IRAG2: variants seen among roughly 807,000 people sequenced by gnomAD.
The protein encoded by IRAG2 is lymphoid restricted membrane protein.
IRAG2 carries 45 observed loss-of-function variants against 69.9 expected under a neutral mutation model. That is an observed-to-expected ratio of 0.64 (90% CI 0.51 to 0.83). The LOEUF is 0.83. Among genes scored for constraint, IRAG2 ranks in the 40% least tolerant of loss-of-function variants. The probability of loss-of-function intolerance (pLI) is 0.00; values close to 1 mark genes in which losing one functional copy is unlikely to be tolerated. For missense variants in IRAG2, 520 were observed against 587.0 expected (o/e 0.89, Z 1.18); for synonymous variants, 193 against 202.4 (o/e 0.95, Z 0.40).
chr12:25,090,784 A>T, intron 14 of IRAG2: 1 of 450,096 alleles, frequency 2.2e-6, no homozygotes. Context: ...TGCATGAGTC[A>T]TCTGCCTTTT....
chr12:25,016,943 G>T (rs1467111244), intron 5 of IRAG2, among the ~76,000 whole-genome samples: 1 of 151,600 alleles, frequency 6.6e-6, no homozygotes, highest in Non-Finnish European at 1.5e-5. Flanking sequence ...CATCTTTGAT[G>T]CTATTGTAAT....
rs556195575 is a variant in IRAG2 at position 25,084,045 on chromosome 12, G to A, written c.315+552G>A. ...GCATGGTAAAGCTCTATAAACATAA[G>A]GAGAGCTGGAAATGATTAGAGAAAA... is the stretch of plus-strand genomic sequence containing the variant. On this transcript the variant is annotated intron_variant, in intron 10 of 21. Coordinates refer to ENST00000556887, the MANE Select transcript of IRAG2 (RefSeq NM_001366544.2). Among the ~76,000 whole-genome samples, 110 of 152,134 alleles carry A rather than the reference G, an allele frequency of 7.2e-4. 3 individuals are homozygous for A. In the South Asian group the frequency reaches 0.021, roughly 28 times the overall value.
intron 11 of IRAG2, 116 bp downstream of exon 11, chr12:25,088,273 GGTCA>G: frequency 2.4e-6 from 2 of 819,688 alleles, no homozygotes; most frequent in Non-Finnish European, 4.1e-6. Context: ...CTCTGGATAA[GGTCA>G]GTCAATAGGA....
upstream of IRAG2, among the ~76,000 whole-genome samples, chr12:25,004,013 G>C (rs986336254): frequency 2.6e-5 from 4 of 152,322 alleles, no homozygotes; most frequent in African/African-American, 9.6e-5. Context: ...TTCTGTCAGA[G>C]AATGGAGAAA....
rs187934804 is a variant in IRAG2, at chr12:25,061,917, T to C, written c.-385+264T>C. Among the ~76,000 whole-genome samples the C allele has an allele frequency of 3.3e-5, 5 of 152,346 alleles. No individual in the cohort carries two copies. The East Asian group carries it at 9.6e-4, about 29-fold the overall frequency. ...CAGAATTTTCTTTGCCCCACCACTA[T>C]ATCTATTAGCGAACAGCCAGTTTTT... On this transcript the variant is annotated intron_variant, in intron 2 of 21. Coordinates refer to ENST00000556887, the MANE Select transcript of IRAG2 (RefSeq NM_001366544.2).
chr12:25,065,386 C>T (rs1359715113), intron 4 of IRAG2, among the ~76,000 whole-genome samples: 1 of 152,156 alleles, frequency 6.6e-6, no homozygotes, highest in African/African-American at 2.4e-5. Context: ...CTGATTGACC[C>T]TAAACCCTAT....
upstream of IRAG2, among the ~76,000 whole-genome samples, chr12:25,001,502 T>A (rs1419341429): frequency 3.3e-5 from 5 of 151,996 alleles, no homozygotes; most frequent in East Asian, 9.6e-4. Context: ...GCCTTGGAAA[T>A]GCAAGTAGAA....
intron 2 of IRAG2, among the ~76,000 whole-genome samples, chr12:25,062,540 T>G (rs141305835): frequency 6.6e-6 from 1 of 152,244 alleles, no homozygotes; most frequent in Non-Finnish European, 1.5e-5. Context: ...GTTGCATCTC[T>G]AACAAGCTTC....
At chr12:25,064,385 T>C (rs1479029468) in intron 4 of IRAG2, among the ~76,000 whole-genome samples, 1 of 152,018 alleles carries the variant, frequency 6.6e-6, no homozygotes, top group East Asian at 1.9e-4. Flanking sequence ...GAGCCAAAGG[T>C]AGGCAAGTCA....
intron 7 of IRAG2, among the ~76,000 whole-genome samples, chr12:25,021,490 A>G (rs2139836003): frequency 6.6e-6 from 1 of 152,350 alleles, no homozygotes; most frequent in East Asian, 1.9e-4. Context: ...CAGGTTACTG[A>G]GAAGCTCCAT....
At chr12:25,104,115 A>T in intron 19 of IRAG2, 57 bp downstream of exon 19, 1 of 1,437,760 alleles carries the variant, frequency 7.0e-7, no homozygotes, top group South Asian at 1.2e-5. Context: ...ACTTGGGCTA[A>T]CCTAAATGAG....
chr12:25,108,030 A>C lies in IRAG2; in HGVS notation c.1470A>C (p.Arg490Ser), dbSNP rs1949334043. 1.9e-6 allele frequency: 3 copies of C among 1,613,952 alleles called. No homozygotes were observed. Among genetic ancestry groups the C allele is most frequent in the Non-Finnish European group, 2.5e-6 (3 of 1,179,986 alleles). The change falls in exon 22 of 22, where the codon AGA becomes AGC. Residue 490 changes from arginine to serine, a missense_variant. Arg to Ser is a moderately radical substitution (Grantham distance 110). Transcript: ENST00000556887. ...SLEHILWPFT[R>S]LRHNGPPPV ...AACATATCTTGTGGCCATTTACCAG[A>C]CTCCGACACAATGGGCCACCACCAG...
upstream of IRAG2, among the ~76,000 whole-genome samples, chr12:25,048,763 T>A (rs1944817960): frequency 6.6e-6 from 1 of 152,270 alleles, no homozygotes; most frequent in Non-Finnish European, 1.5e-5. Context: ...ACTCTTTAGT[T>A]TAATTAGATC....
At chr12:25,053,392 G>C (rs185166011) in intron 1 of IRAG2, among the ~76,000 whole-genome samples, 2 of 151,676 alleles carry the variant, frequency 1.3e-5, no homozygotes, top group Non-Finnish European at 2.9e-5. Context: ...ATTTTAGGGG[G>C]TTGGGCAAAA....
chr12:25,071,646 C>T (rs1177334477), intron 6 of IRAG2, among the ~76,000 whole-genome samples: 3 of 152,146 alleles, frequency 2.0e-5, no homozygotes, highest in Non-Finnish European at 2.9e-5. Context: ...ATAACTTGCC[C>T]ATGATCACTC....
intron 15 of IRAG2, among the ~76,000 whole-genome samples, chr12:25,099,959 C>A (rs1948650462): frequency 8.0e-6 from 1 of 125,756 alleles, no homozygotes; most frequent in South Asian, 2.5e-4. Flanking sequence ...GAGATCGTGC[C>A]ATTGCACTCC....
At chr12:25,023,830 A>T in intron 7 of IRAG2, 2 of 1,067,132 alleles carry the variant, frequency 1.9e-6, no homozygotes, top group Non-Finnish European at 2.4e-6. Context: ...TTTCATAAAC[A>T]TCTTAAATAT....
intron 1 of IRAG2, among the ~76,000 whole-genome samples, chr12:25,060,269 T>G (rs930836313): frequency 6.6e-6 from 1 of 152,192 alleles, no homozygotes; most frequent in African/African-American, 2.4e-5. Context: ...TGGGTTTATT[T>G]TCTGGTTTTG....
intron 10 of IRAG2, chr12:25,031,143 C>T (rs1349443369): frequency 1.1e-6 from 1 of 896,692 alleles, no homozygotes; most frequent in African/African-American, 1.8e-5. Context: ...TTTCCATGCA[C>T]ATTTTGAAGT....
Sources: allele counts gnomAD v4.1 joint callset (sites outside exome capture counted in the v4.1 genomes callset), GRCh38; gene constraint gnomAD v4.1.1; transcripts MANE v1.5; gene names NCBI Gene and HGNC (gene_info 2026-07-23, HGNC 2026-07-21).